TMEM71: variants seen among roughly 807,000 people sequenced by gnomAD.
TMEM71 encodes the protein transmembrane protein 71.
Under a neutral mutation model 38.0 loss-of-function variants are expected in TMEM71, and 44 were observed. The observed-to-expected ratio is 1.16, with a 90% CI of 0.91 to 1.49. The LOEUF (loss-of-function observed/expected upper bound fraction) is 1.49, where lower values mean the gene tolerates loss of function less well. Ranked by LOEUF, TMEM71 falls within the 40% of genes most tolerant of loss-of-function variation. The probability of loss-of-function intolerance (pLI) is 0.00; values close to 1 mark genes in which losing one functional copy is unlikely to be tolerated. For synonymous variants in TMEM71, 133 were observed against 122.5 expected, an observed-to-expected ratio of 1.09 and a Z score of -0.56; for missense variants, 367 against 348.6, an observed-to-expected ratio of 1.05 and a Z score of -0.42.
chr8:132,712,617 C>A (rs574468127), intron 9 of TMEM71, among the ~76,000 whole-genome samples: 72 of 152,218 alleles, frequency 4.7e-4, no homozygotes, highest in African/African-American at 1.6e-3. Flanking sequence ...ATGATAAAAT[C>A]TCAAAGCCAG....
intron 3 of TMEM71, among the ~76,000 whole-genome samples, chr8:132,753,506 C>T (rs1828839915): frequency 6.6e-6 from 1 of 152,130 alleles, no homozygotes. Flanking sequence ...CCACCAAATT[C>T]TGCTTGTTCC....
intron 3 of TMEM71, among the ~76,000 whole-genome samples, chr8:132,755,708 A>G (rs543406525): frequency 6.6e-6 from 1 of 152,348 alleles, no homozygotes; most frequent in East Asian, 1.9e-4. Context: ...TTTACATCTA[A>G]AAGCTTATAT....
At chr8:132,712,809 C>T (rs1439035668) in intron 9 of TMEM71, among the ~76,000 whole-genome samples, 3 of 152,046 alleles carry the variant, frequency 2.0e-5, no homozygotes, top group Non-Finnish European at 4.4e-5. Flanking sequence ...TTGTTTTAAA[C>T]AAATGTCATT....
At chr8:132,755,909 G>A (rs1828977610) in intron 3 of TMEM71, among the ~76,000 whole-genome samples, 1 of 152,066 alleles carries the variant, frequency 6.6e-6, no homozygotes, top group South Asian at 2.1e-4. Flanking sequence ...AAATTACTTG[G>A]ATATTTTACA....
upstream of TMEM71, among the ~76,000 whole-genome samples, chr8:132,764,092 G>A (rs927459920): frequency 2.0e-5 from 3 of 152,082 alleles, no homozygotes; most frequent in South Asian, 2.1e-4. Flanking sequence ...GAGAAATTGC[G>A]ACTCCTCTCC....
At chr8:132,709,762 T>G (rs1826151115), downstream of TMEM71, among the ~76,000 whole-genome samples, 1 of 152,126 alleles carries the variant, frequency 6.6e-6, no homozygotes, top group Non-Finnish European at 1.5e-5. Flanking sequence ...TGACCTTTAT[T>G]TTAGACTTCT....
chr8:132,753,832 C>T, intron 3 of TMEM71, among the ~76,000 whole-genome samples: 1 of 152,104 alleles, frequency 6.6e-6, no homozygotes, highest in East Asian at 1.9e-4. Flanking sequence ...GTGCTTAGCA[C>T]CTAGTATGGG....
intron 9 of TMEM71, among the ~76,000 whole-genome samples, chr8:132,713,449 T>C (rs1056363293): frequency 6.6e-6 from 1 of 152,172 alleles, no homozygotes; most frequent in African/African-American, 2.4e-5. Context: ...GCAGCCATAT[T>C]GAAGTGAAGG....
At chr8:132,721,287 C>A (rs1361072315) in intron 7 of TMEM71, among the ~76,000 whole-genome samples, 1 of 152,102 alleles carries the variant, frequency 6.6e-6, no homozygotes, top group Non-Finnish European at 1.5e-5. Flanking sequence ...GGGTAGAGAA[C>A]AAACATACCT....
At chr8:132,768,305 A>G in the TMEM71 span, among the ~76,000 whole-genome samples, 43,855 of 151,998 alleles carry the variant, frequency 0.29, 7,264 homozygotes, top group South Asian at 0.46. Context: ...GTGTTCTCAA[A>G]TTTCCTTTGG....
Position 132,758,827 on chromosome 8 carries a change from C to T in TMEM71, c.40+13G>A. 1 of 1,611,554 alleles carries T rather than the reference C, an allele frequency of 6.2e-7. No homozygotes were observed. ...CAAAAGATAATTGCGTATCACAGTT[C>T]TTCTACATTTACTTGCTACTGGTGT... is the stretch of plus-strand genomic sequence containing the variant. On this transcript the variant is annotated intron_variant, in intron 2 of 9. Coordinates refer to ENST00000677595, the MANE Select transcript of TMEM71 (RefSeq NM_001382403.1).
chr8:132,756,324 A>G (rs1206062589), intron 3 of TMEM71, among the ~76,000 whole-genome samples: 1 of 149,946 alleles, frequency 6.7e-6, no homozygotes, highest in African/African-American at 2.5e-5. Flanking sequence ...GATTGAGACA[A>G]AGTAACAATT....
intron 5 of TMEM71, among the ~76,000 whole-genome samples, chr8:132,745,578 G>T (rs753441593): frequency 1.3e-5 from 2 of 152,116 alleles, no homozygotes; most frequent in Non-Finnish European, 2.9e-5. Flanking sequence ...TTGTTGGTGG[G>T]AATGTAAATT....
chr8:132,760,975 G>C (rs900420049), upstream of TMEM71, among the ~76,000 whole-genome samples: 1 of 152,166 alleles, frequency 6.6e-6, no homozygotes, highest in Non-Finnish European at 1.5e-5. Flanking sequence ...ATGCACTGAT[G>C]CTATTAAATT....
chr8:132,736,405 G>C (rs556320152), intron 5 of TMEM71, among the ~76,000 whole-genome samples: 1 of 152,262 alleles, frequency 6.6e-6, no homozygotes, highest in South Asian at 2.1e-4. Context: ...TCATGAGTGG[G>C]TGGGGTAGGA....
At chr8:132,760,019 G>A (rs1009713166) in intron 1 of TMEM71, among the ~76,000 whole-genome samples, 18 of 151,852 alleles carry the variant, frequency 1.2e-4, no homozygotes, top group African/African-American at 3.9e-4. Context: ...AATATTGTAC[G>A]GGTATGCCCA....
At chr8:132,718,995 T>C (rs562785635) in intron 7 of TMEM71, among the ~76,000 whole-genome samples, 1 of 152,204 alleles carries the variant, frequency 6.6e-6, no homozygotes, top group East Asian at 1.9e-4. Flanking sequence ...CTGGTGAATA[T>C]CCTTTGGAAA....
At chr8:132,771,221 T>C in the TMEM71 span, among the ~76,000 whole-genome samples, 6 of 152,352 alleles carry the variant, frequency 3.9e-5, no homozygotes, top group Admixed American at 1.3e-4. Flanking sequence ...TATCTCCGTT[T>C]GTCTGGAACT....
intron 1 of TMEM71, among the ~76,000 whole-genome samples, chr8:132,759,727 A>G (rs1377115029): frequency 6.6e-6 from 1 of 152,176 alleles, no homozygotes; most frequent in African/African-American, 2.4e-5. Flanking sequence ...GTAACATGAG[A>G]ACTAGTAATG....
Sources: gnomAD v4.1 joint callset for allele counts (sites outside exome capture counted in the v4.1 genomes callset) on GRCh38, gnomAD v4.1.1 for gene constraint, MANE v1.5 for transcripts, NCBI Gene and HGNC (gene_info 2026-07-23, HGNC 2026-07-21) for gene names.